KIF26A: variants seen among roughly 807,000 people sequenced by gnomAD.
KIF26A encodes kinesin family member 26A.
In KIF26A, 74 loss-of-function variants were observed where a neutral mutation model predicts 126.0. The ratio of observed to expected loss-of-function variants is 0.59; its 90% CI spans 0.49 to 0.71. The LOEUF is 0.71. Among genes scored for constraint, KIF26A ranks in the 30% least tolerant of loss-of-function variants. KIF26A has a pLI of 0.00. For synonymous variants in KIF26A, 1,445 were observed against 1,232.7 expected (o/e 1.17, Z -3.61); for missense variants, 2,984 against 2,763.3 (o/e 1.08, Z -1.79).
rs369582325 is a variant in KIF26A, at chr14:104,175,753, G to T, written c.2965G>T (p.Ala989Ser). 1.3e-6 allele frequency: 2 copies of T among 1,544,058 alleles called. No homozygotes were observed. The highest frequency in any genetic ancestry group is 1.7e-6 in the Non-Finnish European group (2 of 1,147,408). Residue 989 changes from alanine to serine, a missense_variant, in exon 12 of 15, where the codon GCT becomes TCT. Ala to Ser is a moderately conservative substitution (Grantham distance 99). Transcript: ENST00000423312. ...TCCCGTGGGCATGAGTGGGCAGGTG[G>T]CTGGGTCCCCGATGCTTCCTGGGGC... ...TPPVGMSGQVAGSPMLPGATC... is the reference protein window; with the variant it reads ...TPPVGMSGQVSGSPMLPGATC...
chr14:104,174,943 G>C, intron 11 of KIF26A, 39 bp from the exon 12 acceptor site: 1 of 1,483,586 alleles, frequency 6.7e-7, no homozygotes, highest in South Asian at 1.3e-5. Context: ...GGGCGTGTAG[G>C]GGAGACTGGG....
intron 3 of KIF26A, among the ~76,000 whole-genome samples, chr14:104,153,102 C>T (rs1421081679): frequency 1.3e-5 from 2 of 152,142 alleles, no homozygotes; most frequent in Non-Finnish European, 2.9e-5. Flanking sequence ...CCCGTAGTCT[C>T]TGGGGCAACA....
chr14:104,176,587 T>TC lies in KIF26A; in HGVS notation c.3805dup (p.Arg1269ProfsTer4). On this transcript the variant is annotated frameshift_variant, in exon 12 of 15. Transcript: ENST00000423312. LOFTEE classifies it high-confidence loss of function. ...CAGGGCCCCCAGCCCCACACTTGGCTCCCCCCGGCTGCCTGAGGCCCAGGT... is the reference window on the plus strand; with the variant it reads ...CAGGGCCCCCAGCCCCACACTTGGCTCCCCCCCGGCTGCCTGAGGCCCAGGT... The TC allele has an allele frequency of 6.2e-7, 1 of 1,607,780 alleles. No homozygotes were observed. Among genetic ancestry groups the TC allele is most frequent in the Non-Finnish European group, 8.5e-7 (1 of 1,179,482 alleles).
intron 7 of KIF26A, 44 bp downstream of exon 7, chr14:104,172,712 C>G (rs1352538569): frequency 1.4e-6 from 2 of 1,417,552 alleles, no homozygotes; most frequent in Non-Finnish European, 2.0e-6. Context: ...GCTGGCCACC[C>G]CCTCCCATCC....
At chr14:104,145,619 G>GT (rs56411223) in intron 2 of KIF26A, among the ~76,000 whole-genome samples, 1,534 of 152,342 alleles carry the variant, frequency 0.01, 10 homozygotes, top group Middle Eastern at 0.024. Context: ...TTCTGGCGGA[G>GT]GTGCCGCATG....
Position 104,139,120 on chromosome 14 carries a change from C to G in KIF26A, c.120C>G (p.Pro40=), listed in dbSNP as rs947711307. ...VSPRKRLPAG[P]DQDPCGSRPA... is the part of the protein sequence containing the mutation. The stretch of plus-strand genomic sequence containing the variant: ...CCCGAAAGAGGCTACCCGCCGGGCC[C>G]GACCAGGACCCATGCGGCAGCCGCC... The change falls in exon 2 of 15, where the codon CCC becomes CCG. Residue 40 remains proline (P), a synonymous_variant. Transcript: ENST00000423312. The G allele has an allele frequency of 1.1e-5, 16 of 1,484,642 alleles. No individual in the cohort carries two copies. The highest frequency in any genetic ancestry group is 1.3e-5 in the Non-Finnish European group (15 of 1,118,776). 92.0% of individuals were successfully genotyped at this position (1,484,642 alleles called of 1,614,324 possible).
rs1337246790 is a variant in KIF26A, at chr14:104,177,149, C to A, written c.4361C>A (p.Ala1454Asp). The A allele has an allele frequency of 1.3e-6, 2 of 1,597,794 alleles. No homozygotes were observed. The change falls in exon 12 of 15, where the codon GCC becomes GAC. Residue 1454 changes from alanine (A) to aspartate (D), a missense_variant. By Grantham distance (126) the Ala-to-Asp change is moderately radical (BLOSUM62 -2). Transcript: ENST00000423312. ...LAHSSSKGRE[A>D]PGRPPRAVPK... is the part of the protein sequence containing the mutation. ...CACAGCAGCAGCAAGGGCCGGGAAG[C>A]CCCTGGGCGGCCTCCCCGGGCTGTA...
chr14:104,172,715 T>G, intron 7 of KIF26A, 47 bp downstream of exon 7: 1 of 1,410,814 alleles, frequency 7.1e-7, no homozygotes, highest in Non-Finnish European at 9.9e-7. Flanking sequence ...GGCCACCCCC[T>G]CCCATCCTCA....
At chr14:104,165,790 T>C (rs2037891203) in intron 4 of KIF26A, among the ~76,000 whole-genome samples, 1 of 151,814 alleles carries the variant, frequency 6.6e-6, no homozygotes, top group Non-Finnish European at 1.5e-5. Context: ...TCTCTGTGTC[T>C]CTGTGTGCAT....
rs767208659 is a variant in KIF26A, at chr14:104,177,008, G to T, written c.4220G>T (p.Arg1407Leu). Residue 1407 changes from arginine to leucine, a missense_variant, in exon 12 of 15, where the codon CGG (arginine) becomes CTG (leucine). Coordinates refer to ENST00000423312, the MANE Select transcript of KIF26A (RefSeq NM_015656.2). ...RGEEEPRPSS[R>L]ADHSVPRATS... ...GAGGAGGAGCCCAGACCCAGCAGCC[G>T]GGCTGACCACTCTGTCCCCAGGGCC... 6.4e-7 allele frequency: 1 copy of T among 1,553,416 alleles called. No homozygotes were observed. Among genetic ancestry groups the T allele is most frequent in the Admixed American group, 1.9e-5 (1 of 52,810 alleles).
chr14:104,160,805 T>C (rs879586404), intron 4 of KIF26A, among the ~76,000 whole-genome samples: 6 of 152,214 alleles, frequency 3.9e-5, no homozygotes, highest in Non-Finnish European at 7.3e-5. Context: ...CATGCTGGTA[T>C]GGGGGTCCCC....
In KIF26A at chr14:104,138,646, C is replaced by T; in HGVS notation, c.-77C>T. ...CCGGGCCATGGGGGCGCCTCGGGGC[C>T]GGATCACGTAGCCGCGGCGCCCCCG... On this transcript the variant is annotated 5_prime_UTR_variant, in exon 1 of 15. Transcript: ENST00000423312. 2.6e-6 allele frequency: 3 copies of T among 1,163,216 alleles called. No homozygotes were observed. The highest frequency in any genetic ancestry group is 1.6e-5 in the African/African-American group (1 of 61,398). 72.1% of individuals were successfully genotyped at this position (1,163,216 alleles called of 1,614,324 possible). A position where few individuals can be genotyped will look rare whatever the true frequency, so the allele number is the denominator to read the frequency against.
chr14:104,174,835 C>A, intron 11 of KIF26A, 147 bp from the exon 12 acceptor site: 1 of 840,510 alleles, frequency 1.2e-6, no homozygotes. Flanking sequence ...AGTTCCGCTC[C>A]CAGCGTTTGG....
chr14:104,173,993 G>A lies in KIF26A; in HGVS notation c.2030+125G>A, dbSNP rs2037988552. The A allele has an allele frequency of 2.1e-6, 3 of 1,405,794 alleles. No individual in the cohort carries two copies. The Admixed American group carries it at 7.8e-5, about 37-fold the overall frequency. 87.1% of individuals were successfully genotyped at this position (1,405,794 alleles called of 1,614,324 possible). On this transcript the variant is annotated intron_variant, in intron 10 of 14. Transcript: ENST00000423312. ...TCAGGGCTTTGCTCCTCCACCACCT[G>A]ACAGGCCTCGCTGCCCGTGGGCTGC...
rs369747190 is a variant in KIF26A at position 104,173,418 on chromosome 14, G to A, written c.1772G>A (p.Arg591Gln). The change falls in exon 9 of 15, where the codon CGA becomes CAA. Residue 591 changes from arginine to glutamine, a missense_variant. Transcript: ENST00000423312. ...DAALAARSTS[R>Q]AGCGEDARRS... ...GCCCTGGCGGCCCGCAGCACCAGCCGAGCGGGCTGTGGCGAGGACGCCCGA... is the reference window on the plus strand; with the variant it reads ...GCCCTGGCGGCCCGCAGCACCAGCCAAGCGGGCTGTGGCGAGGACGCCCGA... 1.1e-5 allele frequency: 18 copies of A among 1,584,142 alleles called. No homozygotes were observed. Among genetic ancestry groups the A allele is most frequent in the Admixed American group, 9.0e-5 (5 of 55,768 alleles).
At position 104,173,067 on chromosome 14, in the gene KIF26A, A is replaced by T; in HGVS notation, c.1511A>T (p.Glu504Val). Residue 504 changes from glutamate (E) to valine (V), a missense_variant, in exon 8 of 15, where the codon GAG becomes GTG. By Grantham distance (121) the Glu-to-Val change is moderately radical. Coordinates refer to ENST00000423312, the MANE Select transcript of KIF26A (RefSeq NM_015656.2). ...ATCTCCTGGCTCTTCAGGCTCATCGAGGAGCGCAGGGAGAGGACGGGCACC... is the reference window on the plus strand; with the variant it reads ...ATCTCCTGGCTCTTCAGGCTCATCGTGGAGCGCAGGGAGAGGACGGGCACC... ...CAISWLFRLI[E>V]ERRERTGTRF... is the part of the protein sequence containing the mutation. 1 of 1,605,686 alleles carries T rather than the reference A, an allele frequency of 6.2e-7. No individual in the cohort carries two copies. The highest frequency in any genetic ancestry group is 8.5e-7 in the Non-Finnish European group (1 of 1,177,020).
At chr14:104,140,764 C>T (rs1427268230) in intron 2 of KIF26A, among the ~76,000 whole-genome samples, 2 of 152,194 alleles carry the variant, frequency 1.3e-5, no homozygotes, top group Non-Finnish European at 2.9e-5. Flanking sequence ...CTCCAGCCTC[C>T]CCTGAGCTTG....
Position 104,171,934 on chromosome 14 carries a change from A to C in KIF26A, c.1325A>C (p.Gln442Pro), listed in dbSNP as rs2037961932. 2.6e-6 allele frequency: 4 copies of C among 1,550,766 alleles called. No individual in the cohort carries two copies. The highest frequency in any genetic ancestry group is 3.5e-6 in the Non-Finnish European group (4 of 1,147,998). Residue 442 changes from glutamine to proline, a missense_variant and splice_region_variant, in exon 6 of 15, where the codon CAG (glutamine) becomes CCG (proline). By Grantham distance (76) the Gln-to-Pro change is moderately conservative (BLOSUM62 -1). Transcript: ENST00000423312. ...GCCGTCTTCCCCCAGGACTCCGAGC[A>C]GGTACGGGCAGGCGGACTGGGCGTC... ...FDAVFPQDSEQAEVCSGTVAD... is the reference protein window; with the variant it reads ...FDAVFPQDSEPAEVCSGTVAD...
Position 104,179,675 on chromosome 14 carries a change from C to A in KIF26A, c.5534C>A (p.Ala1845Glu). The change falls in exon 15 of 15, where the codon GCG becomes GAG. Residue 1845 changes from alanine (A) to glutamate (E), a missense_variant. Transcript: ENST00000423312. ...EYLAALERAT[A>E]ALEQCVNLCK... ...CTGGCGGCCCTGGAGCGAGCCACGGCGGCCCTGGAGCAGTGCGTGAACCTG... is the reference window on the plus strand; with the variant it reads ...CTGGCGGCCCTGGAGCGAGCCACGGAGGCCCTGGAGCAGTGCGTGAACCTG... 1.3e-6 allele frequency: 2 copies of A among 1,548,480 alleles called. No individual in the cohort carries two copies. The highest frequency in any genetic ancestry group is 1.2e-5 in the South Asian group (1 of 83,962).
Sources: gnomAD v4.1 joint callset for allele counts (sites outside exome capture counted in the v4.1 genomes callset) on GRCh38, gnomAD v4.1.1 for gene constraint, MANE v1.5 for transcripts, NCBI Gene and HGNC (gene_info 2026-07-23, HGNC 2026-07-21) for gene names.